Variants in AGBL4 observed in about 807,000 individuals in gnomAD.
The protein encoded by AGBL4 is cytosolic carboxypeptidase 6.
In AGBL4, 58 loss-of-function variants were observed where a neutral mutation model predicts 66.4. The ratio of observed to expected loss-of-function variants is 0.87; its 90% CI spans 0.71 to 1.09. The LOEUF (loss-of-function observed/expected upper bound fraction) is 1.09, where lower values mean the gene tolerates loss of function less well. Ranked by LOEUF, AGBL4 falls within the 50% of genes least tolerant of loss-of-function variation. AGBL4 has a pLI of 0.00. For missense variants in AGBL4, 579 were observed against 631.0 expected (o/e 0.92, Z 0.88); for synonymous variants, 234 against 222.9 (o/e 1.05, Z -0.44).
chr1:49,619,101 A>T (rs1366932400), intron 3 of AGBL4, among the ~76,000 whole-genome samples: 1 of 152,160 alleles, frequency 6.6e-6, no homozygotes, highest in East Asian at 1.9e-4. Context: ...TCAACATAGA[A>T]CTGGAAGTTC....
At chr1:49,227,053 AG>A (rs1310232405) in intron 4 of AGBL4, among the ~76,000 whole-genome samples, 2 of 152,168 alleles carry the variant, frequency 1.3e-5, no homozygotes, top group African/African-American at 4.8e-5. Flanking sequence ...ACCTCCCCAA[AG>A]GTCCCACCTC....
chr1:48,597,119 T>A (rs1645005930), intron 9 of AGBL4, among the ~76,000 whole-genome samples: 1 of 152,198 alleles, frequency 6.6e-6, no homozygotes, highest in African/African-American at 2.4e-5. Flanking sequence ...TTATCCCAAA[T>A]GGGCCCTTGA....
At chr1:49,091,541 C>T (rs1645003814) in intron 4 of AGBL4, among the ~76,000 whole-genome samples, 1 of 152,000 alleles carries the variant, frequency 6.6e-6, no homozygotes, top group South Asian at 2.1e-4. Flanking sequence ...ACAAATTTGG[C>T]AAGGTTGCAG....
chr1:49,463,909 G>C (rs889021763), intron 3 of AGBL4, among the ~76,000 whole-genome samples: 2 of 151,756 alleles, frequency 1.3e-5, no homozygotes, highest in Admixed American at 6.6e-5. Context: ...CCTAAGCTAA[G>C]TACTATAACT....
intron 3 of AGBL4, among the ~76,000 whole-genome samples, chr1:49,573,132 CTGTGTGTGTGTGTCTGTG>C (rs1345400364): frequency 2.4e-5 from 3 of 126,014 alleles, no homozygotes; most frequent in Non-Finnish European, 3.4e-5. Context: ...ATATGTGTGT[CTGTGTGTGTGTGTCTGTG>C]TGTGTGTGTG....
At chr1:49,551,872 C>T (rs1246744363) in intron 3 of AGBL4, among the ~76,000 whole-genome samples, 3 of 152,146 alleles carry the variant, frequency 2.0e-5, no homozygotes, top group Admixed American at 2.0e-4. Flanking sequence ...ATTATATGCC[C>T]TTTGTCTTTA....
At chr1:49,371,565 TC>T (rs1263154339) in intron 3 of AGBL4, among the ~76,000 whole-genome samples, 1 of 152,146 alleles carries the variant, frequency 6.6e-6, no homozygotes, top group Non-Finnish European at 1.5e-5. Context: ...TACATATACC[TC>T]CCTAACACTT....
intron 11 of AGBL4, among the ~76,000 whole-genome samples, chr1:48,558,524 A>G (rs928803843): frequency 2.0e-5 from 3 of 152,152 alleles, no homozygotes; most frequent in African/African-American, 7.2e-5. Flanking sequence ...CTCTTTCCAC[A>G]GTGATTAGTG....
chr1:48,815,187 G>A (rs770976421), intron 6 of AGBL4, among the ~76,000 whole-genome samples: 3 of 152,090 alleles, frequency 2.0e-5, no homozygotes, highest in Non-Finnish European at 2.9e-5. Flanking sequence ...TTGGTCATTT[G>A]TATGTCTTTT....
rs1645498957 is a variant in AGBL4, at chr1:49,115,454, C to T, written c.378-69654G>A. Among the ~76,000 whole-genome samples, 3 of 152,088 alleles carry T rather than the reference C, an allele frequency of 2.0e-5. No homozygotes were observed. The South Asian group carries it at 6.2e-4, about 32-fold the overall frequency. On this transcript the variant is annotated intron_variant, in intron 4 of 13. Transcript: ENST00000371839. ...ACTGTAATATCATTGTGGACATGCT[C>T]TTAAAGAGAATCTTAAAACTTGTAG... is the stretch of plus-strand genomic sequence containing the variant.
chr1:48,635,587 C>T (rs992332072), intron 8 of AGBL4, among the ~76,000 whole-genome samples: 3 of 152,220 alleles, frequency 2.0e-5, no homozygotes, highest in African/African-American at 4.8e-5. Flanking sequence ...TGGTGTACTA[C>T]GTGACCCTGG....
intron 4 of AGBL4, among the ~76,000 whole-genome samples, chr1:49,118,526 C>T (rs899803381): frequency 3.8e-4 from 58 of 152,260 alleles, no homozygotes; most frequent in Non-Finnish European, 1.6e-4. Context: ...GTTGAACTGG[C>T]CCTGCATCCC....
chr1:48,656,196 T>A (rs1646017490), intron 7 of AGBL4, among the ~76,000 whole-genome samples: 1 of 152,202 alleles, frequency 6.6e-6, no homozygotes, highest in Admixed American at 6.5e-5. Flanking sequence ...AAGTTAGAGA[T>A]CACTGCCCTG....
intron 6 of AGBL4, among the ~76,000 whole-genome samples, chr1:48,683,232 G>C (rs1455551532): frequency 2.0e-5 from 3 of 152,210 alleles, no homozygotes; most frequent in African/African-American, 7.2e-5. Flanking sequence ...AACTCAAGAA[G>C]TTTTCCCTCC....
chr1:48,915,369 T>C (rs1158509612), intron 5 of AGBL4, among the ~76,000 whole-genome samples: 2 of 152,196 alleles, frequency 1.3e-5, no homozygotes, highest in Non-Finnish European at 2.9e-5. Context: ...TTTTTGGTCT[T>C]CTTGACTATA....
chr1:48,616,518 TG>T (rs1645320985), intron 9 of AGBL4, among the ~76,000 whole-genome samples: 1 of 152,232 alleles, frequency 6.6e-6, no homozygotes, highest in African/African-American at 2.4e-5. Flanking sequence ...ACCCTGATTC[TG>T]GAGTCAACTC....
chr1:48,858,863 G>T (rs1317856274), intron 6 of AGBL4, among the ~76,000 whole-genome samples: 2 of 152,006 alleles, frequency 1.3e-5, no homozygotes, highest in Admixed American at 6.6e-5. Context: ...ATTAAAAAAA[G>T]GTATGACCAG....
chr1:49,983,549 G>A (rs1659252767), intron 1 of AGBL4, among the ~76,000 whole-genome samples: 1 of 152,236 alleles, frequency 6.6e-6, no homozygotes, highest in South Asian at 2.1e-4. Context: ...GTGGCCAGTG[G>A]CATCTTTGCC....
intron 3 of AGBL4, among the ~76,000 whole-genome samples, chr1:49,294,359 T>A: frequency 6.6e-6 from 1 of 152,206 alleles, no homozygotes; most frequent in East Asian, 1.9e-4. Context: ...AGAATATGCT[T>A]GTGGAACACA....
Sources: gnomAD v4.1 joint callset for allele counts (sites outside exome capture counted in the v4.1 genomes callset) on GRCh38, gnomAD v4.1.1 for gene constraint, MANE v1.5 for transcripts, NCBI Gene and HGNC (gene_info 2026-07-23, HGNC 2026-07-21) for gene names.